ATP2A1: variants seen among roughly 807,000 people sequenced by gnomAD.
ATP2A1 encodes sarcoplasmic/endoplasmic reticulum calcium ATPase 1.
ATP2A1 carries 83 observed loss-of-function variants against 109.5 expected under a neutral mutation model. That is an observed-to-expected ratio of 0.76 (90% confidence interval 0.63 to 0.91). ATP2A1 has a LOEUF of 0.91. Ranked by LOEUF, ATP2A1 falls within the 40% of genes least tolerant of loss-of-function variation. ATP2A1 has a pLI of 0.00. For missense variants in ATP2A1, 1,101 were observed against 1,341.0 expected (o/e 0.82, Z 2.80); for synonymous variants, 505 against 537.6 (o/e 0.94, Z 0.84).
chr16:28,885,084 A>G (rs751484975), intron 6 of ATP2A1, among the ~76,000 whole-genome samples: 3 of 151,948 alleles, frequency 2.0e-5, no homozygotes, highest in Admixed American at 6.5e-5. Flanking sequence ...ACCAAAAAAT[A>G]CAAAAAACAC....
Position 28,897,994 on chromosome 16 carries a change from C to T in ATP2A1, c.1420-6C>T, listed in dbSNP as rs778904545. On this transcript the variant is annotated splice_region_variant and splice_polypyrimidine_tract_variant and intron_variant, in intron 12 of 22. Transcript: ENST00000395503. The stretch of plus-strand genomic sequence containing the variant: ...GACTGGTCTCCCCTCCCTGTCTCCT[C>T]TCCAGGTGATCCGCCAGCTAATGAA... The T allele has an allele frequency of 2.4e-5, 39 of 1,614,162 alleles. 1 individual carries two copies. In the South Asian group the frequency reaches 3.6e-4, roughly 15 times the overall value.
At chr16:28,881,969 G>A (rs900143326) in intron 4 of ATP2A1, among the ~76,000 whole-genome samples, 2 of 151,672 alleles carry the variant, frequency 1.3e-5, no homozygotes, top group Non-Finnish European at 2.9e-5. Flanking sequence ...ACAGGGTCTC[G>A]TTCTCTTGCC....
Position 28,902,022 on chromosome 16 carries a change from TACA to T in ATP2A1, c.2267_2269del (p.Asn756del), listed in dbSNP as rs766141393. 14 of 1,614,106 alleles carry T rather than the reference TACA, an allele frequency of 8.7e-6. No homozygotes were observed. The highest frequency in any genetic ancestry group is 2.2e-5 in the East Asian group (1 of 44,894). ...TGCTGTGGAGGAGGGCCGCGCCATCTACAACAACATGAAGCAGTTCATCCGCTA... is the reference window on the plus strand; with the variant it reads ...TGCTGTGGAGGAGGGCCGCGCCATCTACAACATGAAGCAGTTCATCCGCTA... On this transcript the variant is annotated inframe_deletion, in exon 16 of 23. Transcript: ENST00000395503. The surrounding 1 kb of genome is among the most constrained non-coding windows in gnomAD (Gnocchi z 4.8).
intron 12 of ATP2A1, among the ~76,000 whole-genome samples, chr16:28,897,228 G>A (rs1209334166): frequency 6.6e-6 from 1 of 152,186 alleles, no homozygotes; most frequent in Non-Finnish European, 1.5e-5. Context: ...AGGTGTGGTG[G>A]TTCATGCCTG....
At chr16:28,888,000 AC>A (rs1170082929) in intron 8 of ATP2A1, among the ~76,000 whole-genome samples, 1 of 150,256 alleles carries the variant, frequency 6.7e-6, no homozygotes, top group African/African-American at 2.5e-5. Context: ...ACGGGGTTTC[AC>A]CGTGTTAGCC....
At chr16:28,891,024 G>A (rs1450539004) in intron 9 of ATP2A1, among the ~76,000 whole-genome samples, 1 of 152,074 alleles carries the variant, frequency 6.6e-6, no homozygotes, top group East Asian at 1.9e-4. Flanking sequence ...AGCTGGGCAC[G>A]GTGGCTCATG....
Position 28,903,389 on chromosome 16 carries a change from G to C in ATP2A1, c.2929G>C (p.Val977Leu), listed in dbSNP as rs201253536. The stretch of plus-strand genomic sequence containing the variant: ...CATGGTCCTCAAGATCTCACTGCCA[G>C]TCATTGGGCTCGACGAAATCCTCAA... ...WLMVLKISLPVIGLDEILKFV... is the reference protein window; with the variant it reads ...WLMVLKISLPLIGLDEILKFV... The change falls in exon 21 of 23, where the codon GTC becomes CTC. Residue 977 changes from valine to leucine, a missense_variant. By Grantham distance (32) the Val-to-Leu change is conservative. Transcript: ENST00000395503. The surrounding 1 kb of genome is among the most constrained non-coding windows in gnomAD (Gnocchi z 5.6). The C allele has an allele frequency of 3.1e-6, 5 of 1,613,900 alleles. No individual in the cohort carries two copies. The highest frequency in any genetic ancestry group is 3.4e-6 in the Non-Finnish European group (4 of 1,179,980).
Position 28,903,279 on chromosome 16 carries a change from C to A in ATP2A1, c.2863-44C>A. 6.3e-7 allele frequency: 1 copy of A among 1,583,668 alleles called. No homozygotes were observed. Among genetic ancestry groups the A allele is most frequent in the Non-Finnish European group, 8.7e-7 (1 of 1,152,648 alleles). On this transcript the variant is annotated intron_variant, in intron 20 of 22. Transcript: ENST00000395503. This position sits in a 1 kb window ranked among gnomAD's most constrained non-coding sequence, Gnocchi z 5.6. Reference sequence around the variant, plus strand: ...GGCTGGGCAGTGCTGGTCTCTGGCTCCCTCCCCACCCCCTCCTGAGAGGGC... The same window carrying A: ...GGCTGGGCAGTGCTGGTCTCTGGCTACCTCCCCACCCCCTCCTGAGAGGGC...
chr16:28,899,545 AGG>A (rs1435406369), intron 14 of ATP2A1, among the ~76,000 whole-genome samples: 49 of 147,560 alleles, frequency 3.3e-4, no homozygotes, highest in Admixed American at 1.4e-4. Flanking sequence ...AGGCTGAGGC[AGG>A]AGAATCGCTT....
chr16:28,878,836 C>T lies in ATP2A1; in HGVS notation c.118+47C>T, dbSNP rs375996541. ...GGCTGGTAATTAATGCCCTCCTGCA[C>T]CCCCAAAACACACGCACACGCATGC... On this transcript the variant is annotated intron_variant, in intron 1 of 22. Coordinates refer to ENST00000395503, the MANE Select transcript of ATP2A1 (RefSeq NM_004320.6). 7 of 1,575,244 alleles carry T rather than the reference C, an allele frequency of 4.4e-6. No homozygotes were observed. The East Asian group carries it at 6.7e-5, about 15-fold the overall frequency.
chr16:28,878,853 C>G, intron 1 of ATP2A1, 64 bp downstream of exon 1: 1 of 1,510,864 alleles, frequency 6.6e-7, no homozygotes, highest in South Asian at 1.1e-5. Context: ...AACACACGCA[C>G]ACGCATGCAC....
intron 3 of ATP2A1, 120 bp downstream of exon 3, chr16:28,879,703 G>C: frequency 1.7e-6 from 2 of 1,202,706 alleles, no homozygotes; most frequent in South Asian, 2.6e-5. Flanking sequence ...TGTACAGACG[G>C]GGCGGGCTGG....
chr16:28,878,939 GAA>G, intron 1 of ATP2A1, 150 bp downstream of exon 1: 1 of 1,341,518 alleles, frequency 7.5e-7, no homozygotes, highest in Non-Finnish European at 1.1e-6. Flanking sequence ...AAGATACTGA[GAA>G]AACAGAGTCC....
In ATP2A1 at chr16:28,879,086, T is replaced by A. The variant is rs1177240532; in HGVS notation, c.119-13T>A. 6.2e-7 allele frequency: 1 copy of A among 1,614,074 alleles called. No individual in the cohort carries two copies. Among genetic ancestry groups the A allele is most frequent in the Non-Finnish European group, 8.5e-7 (1 of 1,180,004 alleles). The stretch of plus-strand genomic sequence containing the variant: ...CCAAATGAATCTGTCCTTTTCTTCT[T>A]TTTCCTGGGTAGAGCTCCCTGCTGA... On this transcript the variant is annotated splice_polypyrimidine_tract_variant and intron_variant, in intron 1 of 22. Transcript: ENST00000395503.
intron 4 of ATP2A1, among the ~76,000 whole-genome samples, chr16:28,882,143 C>T (rs200308307): frequency 3.5e-5 from 4 of 115,312 alleles, no homozygotes; most frequent in East Asian, 2.7e-4. Context: ...TTCGTAGAGA[C>T]GGACGGGGTT....
At position 28,888,920 on chromosome 16, in the gene ATP2A1, C is replaced by T. The variant is rs1963693282; in HGVS notation, c.1062C>T (p.Gly354=). The part of the protein sequence containing the change: ...CTSVICSDKT[G]TLTTNQMSVC... ...CTGTCATCTGTTCCGACAAGACAGG[C>T]ACCCTCACCACCAACCAGATGTCTG... is the stretch of plus-strand genomic sequence containing the variant. Residue 354 remains glycine, a synonymous_variant, in exon 9 of 23, where the codon GGC becomes GGT. Coordinates refer to ENST00000395503, the MANE Select transcript of ATP2A1 (RefSeq NM_004320.6). 6.2e-7 allele frequency: 1 copy of T among 1,614,060 alleles called. No individual in the cohort carries two copies. The highest frequency in any genetic ancestry group is 1.3e-5 in the African/African-American group (1 of 74,922).
rs765660942 is a variant in ATP2A1, at chr16:28,885,278, C to CAA, written c.544+626_544+627dup. Among the ~76,000 whole-genome samples, 53 of 150,062 alleles carry CAA rather than the reference C, an allele frequency of 3.5e-4. No individual in the cohort carries two copies. In the East Asian group the frequency reaches 9.9e-3, roughly 28 times the overall value. ...AAAAAAAAAAAAAGACAAAACAAAA[C>CAA]AAAACCCAGCACTGGGGCCTCCCCC... is the stretch of plus-strand genomic sequence containing the variant. On this transcript the variant is annotated intron_variant, in intron 6 of 22. Transcript: ENST00000395503.
intron 14 of ATP2A1, among the ~76,000 whole-genome samples, chr16:28,900,159 G>A (rs1040523520): frequency 5.3e-5 from 8 of 151,630 alleles, no homozygotes; most frequent in African/African-American, 1.9e-4. Flanking sequence ...AAATTAGCTG[G>A]ACATGTTGGT....
chr16:28,888,876 G>A lies in ATP2A1; in HGVS notation c.1018G>A (p.Glu340Lys). The A allele has an allele frequency of 1.2e-6, 2 of 1,614,128 alleles. No individual in the cohort carries two copies. Among genetic ancestry groups the A allele is most frequent in the Non-Finnish European group, 1.7e-6 (2 of 1,180,008 alleles). Residue 340 changes from glutamate to lysine, a missense_variant, in exon 9 of 23, where the codon GAG becomes AAG. Glu to Lys is a moderately conservative substitution (Grantham distance 56, BLOSUM62 1). Transcript: ENST00000395503. ...CATTGTAAGAAGCTTGCCCTCCGTA[G>A]AGACCCTGGGCTGCACCTCTGTCAT... ...NAIVRSLPSV[E>K]TLGCTSVICS...
Sources: gnomAD v4.1 joint callset for allele counts (sites outside exome capture counted in the v4.1 genomes callset) on GRCh38, gnomAD v4.1.1 for gene constraint, Gnocchi (gnomAD v3.1) non-coding constraint, MANE v1.5 for transcripts, NCBI Gene and HGNC (gene_info 2026-07-23, HGNC 2026-07-21) for gene names.